DPP10: variants seen among roughly 807,000 people sequenced by gnomAD.
DPP10 encodes the protein inactive dipeptidyl peptidase 10.
A neutral mutation model predicts 120.9 loss-of-function variants in DPP10; 33 were observed. The observed-to-expected ratio is 0.27, with a 90% CI of 0.21 to 0.37. DPP10 has a LOEUF of 0.37. DPP10 is among the 10% of genes least tolerant of loss of function. The probability of loss-of-function intolerance (pLI) is 1.00; values close to 1 mark genes in which losing one functional copy is unlikely to be tolerated. For missense variants in DPP10, 816 were observed against 942.8 expected (o/e 0.87, Z 1.76); for synonymous variants, 337 against 326.1 (o/e 1.03, Z -0.36).
intron 19 of DPP10, among the ~76,000 whole-genome samples, chr2:115,804,218 C>T (rs533561556): frequency 1.4e-4 from 21 of 152,258 alleles, no homozygotes; most frequent in South Asian, 4.2e-4. Context: ...TCCAGTTGAT[C>T]GCATCGGTTA....
Position 114,898,984 on chromosome 2 carries a change from A to T in DPP10, c.61-410255A>T, listed in dbSNP as rs1693301986. On this transcript the variant is annotated intron_variant, in intron 1 of 25. Coordinates refer to ENST00000410059, the MANE Select transcript of DPP10 (RefSeq NM_020868.6). ...ACTAGAATCTTAATACAGTTTTAGT[A>T]GTTGGGAATCTCATCTAATTTATTA... Among the ~76,000 whole-genome samples the T allele has an allele frequency of 2.6e-5, 4 of 152,262 alleles. No individual in the cohort carries two copies. The South Asian group carries it at 8.3e-4, about 32-fold the overall frequency.
At chr2:115,013,856 G>C (rs1702441876) in intron 1 of DPP10, among the ~76,000 whole-genome samples, 1 of 152,016 alleles carries the variant, frequency 6.6e-6, no homozygotes, top group South Asian at 2.1e-4. Context: ...AGTTCTTAGA[G>C]ACCTACAAAG....
At chr2:115,336,503 A>G (rs2063137968) in intron 2 of DPP10, among the ~76,000 whole-genome samples, 1 of 151,884 alleles carries the variant, frequency 6.6e-6, no homozygotes, top group Admixed American at 6.6e-5. Flanking sequence ...AAATATTTAC[A>G]CTTTTAATAG....
rs145025573 is a variant in DPP10, at chr2:114,795,200, A to T, written c.60+352362A>T. 7.8e-4 allele frequency among the ~76,000 whole-genome samples: 119 copies of T among 152,268 alleles called. 2 individuals carry two copies. The highest frequency in any genetic ancestry group is 2.7e-3 in the African/African-American group (113 of 41,548). ...ATTCTAAGTGAACTGCTATGGCATGATGAAGACTAGCACTCTCAGGCCAGG... is the reference window on the plus strand; with the variant it reads ...ATTCTAAGTGAACTGCTATGGCATGTTGAAGACTAGCACTCTCAGGCCAGG... On this transcript the variant is annotated intron_variant, in intron 1 of 25. Transcript: ENST00000410059.
At chr2:114,508,370 G>A (rs144309232) in intron 1 of DPP10, among the ~76,000 whole-genome samples, 152 of 152,106 alleles carry the variant, frequency 1.0e-3, no homozygotes, top group African/African-American at 3.5e-3. Flanking sequence ...TTTTACATTC[G>A]ATTTCTTTCA....
rs1275280041 is a variant in DPP10 at position 115,166,647 on chromosome 2, ATATC to A, written c.61-142588_61-142585del. ...TATCTCTTGCTTAGAATCTTCTAATATATCTATATATCTGTTTGATTATTTCAGG... is the reference window on the plus strand; with the variant it reads ...TATCTCTTGCTTAGAATCTTCTAATATATATATCTGTTTGATTATTTCAGG... On this transcript the variant is annotated intron_variant, in intron 1 of 25. Transcript: ENST00000410059. Among the ~76,000 whole-genome samples, 3 of 142,700 alleles carry A rather than the reference ATATC, an allele frequency of 2.1e-5. No homozygotes were observed. The South Asian group carries it at 6.4e-4, about 31-fold the overall frequency. 93.6% of individuals were successfully genotyped at this position (142,700 alleles called of 152,430 possible).
intron 3 of DPP10, among the ~76,000 whole-genome samples, chr2:115,443,363 A>G (rs1014671292): frequency 6.6e-5 from 10 of 152,206 alleles, no homozygotes; most frequent in African/African-American, 2.2e-4. Flanking sequence ...AATGCTTCAG[A>G]GATAAACAAC....
At chr2:114,711,081 G>GAA (rs70937299) in intron 1 of DPP10, among the ~76,000 whole-genome samples, 1 of 151,002 alleles carries the variant, frequency 6.6e-6, no homozygotes, top group East Asian at 2.0e-4. Context: ...AGCAGGGCAA[G>GAA]AAAAAAAAAG....
At chr2:115,266,455 TTA>T (rs1381800739) in intron 1 of DPP10, among the ~76,000 whole-genome samples, 39 of 152,158 alleles carry the variant, frequency 2.6e-4, no homozygotes, top group African/African-American at 7.2e-4. Flanking sequence ...TTAGTAGGAG[TTA>T]TATTGAATAG....
chr2:114,989,322 G>T (rs1329912575), intron 1 of DPP10, among the ~76,000 whole-genome samples: 1 of 152,116 alleles, frequency 6.6e-6, no homozygotes, highest in African/African-American at 2.4e-5. Context: ...CTCCACTGGA[G>T]AAAATTTTAT....
At chr2:114,775,358 T>G (rs1681633850) in intron 1 of DPP10, among the ~76,000 whole-genome samples, 1 of 152,158 alleles carries the variant, frequency 6.6e-6, no homozygotes, top group Non-Finnish European at 1.5e-5. Context: ...TAAAAGCCCT[T>G]TCTAGTTCTG....
At chr2:115,067,313 G>T (rs1336151324) in intron 1 of DPP10, among the ~76,000 whole-genome samples, 3 of 151,520 alleles carry the variant, frequency 2.0e-5, no homozygotes, top group African/African-American at 7.3e-5. Flanking sequence ...GTGCGGTGGC[G>T]CCATCTCTGC....
chr2:115,143,875 C>T lies in DPP10; in HGVS notation c.61-165364C>T, dbSNP rs376847789. Reference sequence around the variant, plus strand: ...TCTCAGATGCAGCCTCTGCCAATCTCGAGATTCCTTCTGCCAGATCTTTAT... The same window carrying T: ...TCTCAGATGCAGCCTCTGCCAATCTTGAGATTCCTTCTGCCAGATCTTTAT... On this transcript the variant is annotated intron_variant, in intron 1 of 25. Transcript: ENST00000410059. Among the ~76,000 whole-genome samples the T allele has an allele frequency of 3.3e-5, 5 of 152,278 alleles. No homozygotes were observed. The East Asian group carries it at 7.7e-4, about 24-fold the overall frequency.
intron 1 of DPP10, chr2:114,707,321 G>T (rs1001703742): frequency 7.3e-5 from 11 of 151,486 alleles, no homozygotes; most frequent in African/African-American, 2.7e-4. Flanking sequence ...CAAGTAGGAG[G>T]TAAAATTATG....
At chr2:115,814,659 A>G in intron 19 of DPP10, 134 bp from the exon 20 acceptor site, 1 of 606,784 alleles carries the variant, frequency 1.6e-6, no homozygotes, top group South Asian at 7.3e-5. Context: ...CTTCAGGTTT[A>G]TTATCAAGAA....
chr2:114,550,114 T>C (rs1449772049), intron 1 of DPP10, among the ~76,000 whole-genome samples: 1 of 152,174 alleles, frequency 6.6e-6, no homozygotes, highest in Non-Finnish European at 1.5e-5. Flanking sequence ...GCTTCTGGCC[T>C]CCCTCATTTT....
intron 1 of DPP10, among the ~76,000 whole-genome samples, chr2:114,982,488 A>C (rs914529672): frequency 6.6e-6 from 1 of 152,354 alleles, no homozygotes; most frequent in East Asian, 1.9e-4. Flanking sequence ...CTGTCATGAA[A>C]CAATGACTAA....
intron 1 of DPP10, among the ~76,000 whole-genome samples, chr2:114,444,705 C>T (rs1272611164): frequency 2.6e-5 from 4 of 152,156 alleles, no homozygotes; most frequent in Non-Finnish European, 5.9e-5. Flanking sequence ...CAACCCACCA[C>T]TTAACAATGT....
At chr2:115,252,604 A>G (rs892920523) in intron 1 of DPP10, among the ~76,000 whole-genome samples, 2 of 152,194 alleles carry the variant, frequency 1.3e-5, no homozygotes, top group Admixed American at 6.5e-5. Context: ...ACTACAGTCC[A>G]CAGAGTCTAT....
Sources: allele counts gnomAD v4.1 joint callset (sites outside exome capture counted in the v4.1 genomes callset), GRCh38; gene constraint gnomAD v4.1.1; transcripts MANE v1.5; gene names NCBI Gene and HGNC (gene_info 2026-07-23, HGNC 2026-07-21).